ZMIZ1: variants seen among roughly 807,000 people sequenced by gnomAD.
ZMIZ1 encodes zinc finger MIZ-type containing 1, also known as zinc finger MIZ domain-containing protein 1.
In ZMIZ1, 17 loss-of-function variants were observed where a neutral mutation model predicts 113.9. The ratio of observed to expected loss-of-function variants is 0.15; its 90% CI spans 0.10 to 0.22. The LOEUF is 0.22. Ranked by LOEUF, ZMIZ1 falls within the 10% of genes least tolerant of loss-of-function variation. The pLI is 1.00. For synonymous variants in ZMIZ1, 607 were observed against 603.1 expected (o/e 1.01, Z -0.09); for missense variants, 1,059 against 1,477.8 (o/e 0.72, Z 4.65).
intron 5 of ZMIZ1, among the ~76,000 whole-genome samples, chr10:79,205,040 G>T (rs1242359666): frequency 6.6e-6 from 1 of 152,216 alleles, no homozygotes; most frequent in Non-Finnish European, 1.5e-5. Context: ...TTGATTCACA[G>T]ATGGACTGGT....
At chr10:79,304,680 C>A (rs1854561685) in intron 19 of ZMIZ1, among the ~76,000 whole-genome samples, 1 of 152,234 alleles carries the variant, frequency 6.6e-6, no homozygotes, top group African/African-American at 2.4e-5. Flanking sequence ...AGGGCTGTCA[C>A]CTGCAGCTGG....
At chr10:79,083,563 C>G (rs1311388680) in intron 1 of ZMIZ1, among the ~76,000 whole-genome samples, 1 of 86,628 alleles carries the variant, frequency 1.2e-5, no homozygotes, top group African/African-American at 8.7e-5. Context: ...AGGACTGAGG[C>G]TATCAGATGT....
chr10:79,265,629 C>G lies in ZMIZ1; in HGVS notation c.281-11552C>G, dbSNP rs1304886649. 4.6e-5 allele frequency among the ~76,000 whole-genome samples: 7 copies of G among 152,136 alleles called. 1 individual carries two copies. Among genetic ancestry groups the G allele is most frequent in the Admixed American group, 4.6e-4 (7 of 15,290 alleles). On this transcript the variant is annotated intron_variant, in intron 7 of 24. Coordinates refer to ENST00000334512, the MANE Select transcript of ZMIZ1 (RefSeq NM_020338.4). ...AGCAATACCATCAGTCTGCCGGAGA[C>G]TGAGATTTTCCCCCAAGGAAAACCT... is the stretch of plus-strand genomic sequence containing the variant.
intron 7 of ZMIZ1, among the ~76,000 whole-genome samples, chr10:79,270,541 TACTATGGCACAGCGCC>T (rs1851884715): frequency 6.6e-6 from 1 of 152,338 alleles, no homozygotes; most frequent in South Asian, 2.1e-4. Flanking sequence ...CCGCCGATCA[TACTATGGCACAGCGCC>T]ACTGGAGGAC....
chr10:79,074,276 G>A (rs1024316609), intron 1 of ZMIZ1, among the ~76,000 whole-genome samples: 4 of 152,296 alleles, frequency 2.6e-5, no homozygotes, highest in South Asian at 2.1e-4. Flanking sequence ...CTGAGTGAGC[G>A]CTCCAGCCAG....
At chr10:79,241,559 T>A (rs1849832429) in intron 7 of ZMIZ1, among the ~76,000 whole-genome samples, 1 of 151,782 alleles carries the variant, frequency 6.6e-6, no homozygotes, top group African/African-American at 2.4e-5. Context: ...CTAGTTCGTG[T>A]CCAAAAGGCT....
chr10:79,225,451 C>T (rs1451435536), intron 7 of ZMIZ1, among the ~76,000 whole-genome samples: 3 of 151,966 alleles, frequency 2.0e-5, no homozygotes, highest in Non-Finnish European at 4.4e-5. Context: ...AGGTGATGGC[C>T]GGGTGCAGTG....
intron 7 of ZMIZ1, among the ~76,000 whole-genome samples, chr10:79,248,830 G>A (rs1850368327): frequency 6.6e-6 from 1 of 152,150 alleles, no homozygotes; most frequent in Non-Finnish European, 1.5e-5. Context: ...ATCAATGTGT[G>A]CATTTCCCTG....
chr10:79,284,302 T>C (rs1269172164), intron 8 of ZMIZ1, among the ~76,000 whole-genome samples: 1 of 152,192 alleles, frequency 6.6e-6, no homozygotes, highest in Non-Finnish European at 1.5e-5. Context: ...CAGAGGAAAG[T>C]GTCCTTGGTT....
intron 1 of ZMIZ1, among the ~76,000 whole-genome samples, chr10:79,078,854 CT>C (rs1197884276): frequency 1.3e-5 from 2 of 151,848 alleles, no homozygotes; most frequent in Admixed American, 6.6e-5. Context: ...TAGCCCCACC[CT>C]TTTTTTAATG....
chr10:79,148,924 G>A (rs995710640), intron 3 of ZMIZ1, among the ~76,000 whole-genome samples: 3 of 152,194 alleles, frequency 2.0e-5, no homozygotes, highest in Non-Finnish European at 4.4e-5. Context: ...GGGTCTGTAC[G>A]TGGCCCCGCC....
intron 1 of ZMIZ1, among the ~76,000 whole-genome samples, chr10:79,096,720 G>GC (rs1057215685): frequency 6.6e-6 from 1 of 152,174 alleles, no homozygotes; most frequent in African/African-American, 2.4e-5. Context: ...CTGGGTGCCA[G>GC]CCCCCTGCTA....
chr10:79,153,428 C>T (rs1415212552), intron 3 of ZMIZ1, among the ~76,000 whole-genome samples: 11 of 152,242 alleles, frequency 7.2e-5, no homozygotes, highest in Non-Finnish European at 1.6e-4. Context: ...TTGAACCTCA[C>T]TTCTGTATAA....
intron 1 of ZMIZ1, among the ~76,000 whole-genome samples, chr10:79,113,919 A>G (rs1843870339): frequency 2.6e-5 from 4 of 152,202 alleles, no homozygotes; most frequent in Admixed American, 2.6e-4. Context: ...TATCAGCTCA[A>G]TAAAAGCAGG....
At chr10:79,111,576 G>C (rs1430537199) in intron 1 of ZMIZ1, among the ~76,000 whole-genome samples, 1 of 152,192 alleles carries the variant, frequency 6.6e-6, no homozygotes, top group Non-Finnish European at 1.5e-5. Context: ...TGAGCCAAGG[G>C]AAACCAAGTG....
At chr10:79,297,486 A>G in intron 13 of ZMIZ1, 127 bp from the exon 14 acceptor site, 2 of 781,562 alleles carry the variant, frequency 2.6e-6, no homozygotes, top group Non-Finnish European at 4.5e-6. Context: ...CTCACTCAAT[A>G]TACCCAGCAG....
At chr10:79,248,901 C>T (rs900240091) in intron 7 of ZMIZ1, among the ~76,000 whole-genome samples, 20 of 151,462 alleles carry the variant, frequency 1.3e-4, no homozygotes, top group Non-Finnish European at 2.5e-4. Context: ...GAGTTGGTCT[C>T]CCACCCTCCC....
chr10:79,082,936 C>T (rs993844161), intron 1 of ZMIZ1, among the ~76,000 whole-genome samples: 5 of 152,038 alleles, frequency 3.3e-5, no homozygotes, highest in African/African-American at 1.2e-4. Context: ...AGTCTGGGGT[C>T]CTTTTGTGCC....
chr10:79,173,281 AT>A (rs921531700), intron 4 of ZMIZ1, among the ~76,000 whole-genome samples: 1 of 151,794 alleles, frequency 6.6e-6, no homozygotes, highest in African/African-American at 2.4e-5. Context: ...ACATGATGAG[AT>A]TTTTTTGCGA....
Sources: gnomAD v4.1 joint callset for allele counts (sites outside exome capture counted in the v4.1 genomes callset) on GRCh38, gnomAD v4.1.1 for gene constraint, MANE v1.5 for transcripts, NCBI Gene and HGNC (gene_info 2026-07-23, HGNC 2026-07-21) for gene names.